The following ACOT12 variants were observed in gnomAD, a reference collection of about 807,000 sequenced individuals.
ACOT12 encodes the protein acyl-CoA thioesterase 12.
In ACOT12, 51 loss-of-function variants were observed where a neutral mutation model predicts 67.7. The ratio of observed to expected loss-of-function variants is 0.75; its 90% CI spans 0.60 to 0.95. The LOEUF (loss-of-function observed/expected upper bound fraction) is 0.95. Ranked by LOEUF, ACOT12 falls within the 40% of genes least tolerant of loss-of-function variation. The pLI is 0.00. For synonymous variants in ACOT12, 251 were observed against 244.6 expected (o/e 1.03, Z -0.24); for missense variants, 734 against 708.1 (o/e 1.04, Z -0.41).
intron 3 of ACOT12, among the ~76,000 whole-genome samples, chr5:81,364,568 C>G (rs986318167): frequency 6.6e-6 from 1 of 151,998 alleles, no homozygotes; most frequent in Non-Finnish European, 1.5e-5. Flanking sequence ...GCTGGGACTA[C>G]AGGCACGCAG....
At chr5:81,352,608 A>G (rs1003774926) in intron 5 of ACOT12, among the ~76,000 whole-genome samples, 3 of 151,392 alleles carry the variant, frequency 2.0e-5, no homozygotes, top group Non-Finnish European at 3.0e-5. Flanking sequence ...GAGGCTGGGA[A>G]GGGTAGTGGG....
the ACOT12 span, among the ~76,000 whole-genome samples, chr5:81,321,375 C>A: frequency 6.6e-6 from 1 of 152,202 alleles, no homozygotes; most frequent in Non-Finnish European, 1.5e-5. Flanking sequence ...GAGGGCTCAG[C>A]CCTCAGACCA....
At chr5:81,384,525 G>T in intron 2 of ACOT12, among the ~76,000 whole-genome samples, 1 of 152,056 alleles carries the variant, frequency 6.6e-6, no homozygotes, top group Non-Finnish European at 1.5e-5. Flanking sequence ...TAGTCACCAT[G>T]TTATTATAAT....
chr5:81,371,754 A>G lies in ACOT12; in HGVS notation c.254T>C (p.Met85Thr), dbSNP rs1266140313. 38 of 1,614,102 alleles carry G rather than the reference A, an allele frequency of 2.4e-5. No individual in the cohort carries two copies. The highest frequency in any genetic ancestry group is 3.2e-5 in the Non-Finnish European group (38 of 1,179,966). ...GTTTGAAAAGGTGCCTCTTACCTCCATGCTTGTGCTGAATGCTCTAGTAAC... is the reference window on the plus strand; with the variant it reads ...GTTTGAAAAGGTGCCTCTTACCTCCGTGCTTGTGCTGAATGCTCTAGTAAC... The part of the protein sequence containing the change: ...AKVTRAFSTS[M>T]EISIKVMVQD... Residue 85 changes from methionine (M) to threonine (T), a missense_variant, in exon 3 of 15, where the codon ATG becomes ACG. Coordinates refer to ENST00000307624, the MANE Select transcript of ACOT12 (RefSeq NM_130767.3).
At chr5:81,371,195 A>T (rs1760237600) in intron 3 of ACOT12, among the ~76,000 whole-genome samples, 1 of 152,180 alleles carries the variant, frequency 6.6e-6, no homozygotes, top group Admixed American at 6.5e-5. Flanking sequence ...TACTTTCTGT[A>T]TATCCTTCTA....
intron 2 of ACOT12, among the ~76,000 whole-genome samples, chr5:81,385,462 T>TA: frequency 1.3e-5 from 2 of 152,056 alleles, no homozygotes; most frequent in Admixed American, 1.3e-4. Context: ...GTGAGACAAT[T>TA]AAAAAAAGGA....
At chr5:81,374,945 A>T (rs990302668) in intron 2 of ACOT12, among the ~76,000 whole-genome samples, 8 of 152,216 alleles carry the variant, frequency 5.3e-5, no homozygotes, top group African/African-American at 1.9e-4. Context: ...GAACTTCCCC[A>T]ACCTAGCAAG....
intron 4 of ACOT12, among the ~76,000 whole-genome samples, chr5:81,361,369 A>C (rs1001648508): frequency 6.6e-6 from 1 of 151,522 alleles, no homozygotes; most frequent in Non-Finnish European, 1.5e-5. Flanking sequence ...TAATTTTTTT[A>C]TATTTATTTT....
chr5:81,334,487 C>A (rs554719031), intron 12 of ACOT12, among the ~76,000 whole-genome samples: 1 of 152,206 alleles, frequency 6.6e-6, no homozygotes, highest in Non-Finnish European at 1.5e-5. Flanking sequence ...CAAGCCACAC[C>A]CTTGTCGCAG....
the ACOT12 span, chr5:81,313,034 G>C: frequency 2.0e-5 from 3 of 153,042 alleles, no homozygotes; most frequent in Non-Finnish European, 4.4e-5. Context: ...TGGTTATATT[G>C]TTTTCTTGGC....
At chr5:81,385,728 G>A in intron 2 of ACOT12, 29 bp downstream of exon 2, 1 of 1,610,576 alleles carries the variant, frequency 6.2e-7, no homozygotes, top group Non-Finnish European at 8.5e-7. Context: ...AAACCCAGGA[G>A]AAAGGAGCCA....
At chr5:81,318,169 C>A in the ACOT12 span, among the ~76,000 whole-genome samples, 1 of 152,194 alleles carries the variant, frequency 6.6e-6, no homozygotes, top group African/African-American at 2.4e-5. Context: ...AGGTGTGAGC[C>A]ACTATGCCTG....
At chr5:81,383,373 G>C (rs1353933879) in intron 2 of ACOT12, among the ~76,000 whole-genome samples, 1 of 151,996 alleles carries the variant, frequency 6.6e-6, no homozygotes, top group African/African-American at 2.4e-5. Context: ...CCATCTCAAA[G>C]AAAAAACAAA....
intron 12 of ACOT12, among the ~76,000 whole-genome samples, chr5:81,334,867 A>G (rs1231301193): frequency 6.6e-6 from 1 of 151,916 alleles, no homozygotes; most frequent in African/African-American, 2.4e-5. Flanking sequence ...AGTGGAGGAG[A>G]TTGGATTAGG....
chr5:81,356,992 C>T (rs1759737224), intron 5 of ACOT12, among the ~76,000 whole-genome samples: 2 of 152,080 alleles, frequency 1.3e-5, no homozygotes, highest in South Asian at 2.1e-4. Flanking sequence ...AGGGAGCCTC[C>T]ATGACACAAT....
intron 1 of ACOT12, among the ~76,000 whole-genome samples, chr5:81,391,252 T>A (rs941787848): frequency 6.6e-6 from 1 of 152,210 alleles, no homozygotes; most frequent in African/African-American, 2.4e-5. Flanking sequence ...CCCTTTTGTA[T>A]TTCATTCAGT....
At chr5:81,380,122 T>A (rs940269073) in intron 2 of ACOT12, among the ~76,000 whole-genome samples, 1 of 152,198 alleles carries the variant, frequency 6.6e-6, no homozygotes, top group Non-Finnish European at 1.5e-5. Context: ...AAATTTAAAT[T>A]TCTGGCACAG....
rs200633967 is a variant in ACOT12 at position 81,347,861 on chromosome 5, A to G, written c.566T>C (p.Val189Ala). 9.0e-5 allele frequency: 146 copies of G among 1,614,172 alleles called. No homozygotes were observed. The highest frequency in any genetic ancestry group is 1.2e-4 in the Non-Finnish European group (140 of 1,180,020). Reference sequence around the variant, plus strand: ...GTGATGGTTTGCATGGGGTGGGAGGACCAGTTCAATGCTCTGAACGGAGGT... The same window carrying G: ...GTGATGGTTTGCATGGGGTGGGAGGGCCAGTTCAATGCTCTGAACGGAGGT... ...RGTSVQSIEL[V>A]LPPHANHHGN... is the part of the protein sequence containing the mutation. The change falls in exon 6 of 15, where the codon GTC becomes GCC. Residue 189 changes from valine to alanine, a missense_variant. Transcript: ENST00000307624.
intron 1 of ACOT12, among the ~76,000 whole-genome samples, chr5:81,393,267 C>A (rs1247205718): frequency 6.6e-6 from 1 of 152,174 alleles, no homozygotes; most frequent in Non-Finnish European, 1.5e-5. Flanking sequence ...TCTCGCTACA[C>A]TTTTGTTCTT....
Sources: allele counts gnomAD v4.1 joint callset (sites outside exome capture counted in the v4.1 genomes callset), GRCh38; gene constraint gnomAD v4.1.1; transcripts MANE v1.5; gene names NCBI Gene and HGNC (gene_info 2026-07-23, HGNC 2026-07-21).